Variants in CEACAM4 observed in about 807,000 individuals in gnomAD.
CEACAM4 encodes the protein CEA cell adhesion molecule 4.
A neutral mutation model predicts 28.7 loss-of-function variants in CEACAM4; 30 were observed. The observed-to-expected ratio is 1.05, with a 90% CI of 0.78 to 1.42. CEACAM4 has a LOEUF of 1.42. Ranked by LOEUF, CEACAM4 falls within the 40% of genes most tolerant of loss-of-function variation. The pLI is 0.00. For synonymous variants in CEACAM4, 143 were observed against 126.5 expected (o/e 1.13, Z -0.87); for missense variants, 330 against 308.2 (o/e 1.07, Z -0.53).
In CEACAM4 at chr19:41,625,143, C is replaced by T. The variant is rs546584105; in HGVS notation, c.424+458G>A. 1.2e-4 allele frequency among the ~76,000 whole-genome samples: 18 copies of T among 152,312 alleles called. No homozygotes were observed. The South Asian group carries it at 2.5e-3, about 21-fold the overall frequency. ...ATGAGAAGCTTCAGGAACCACAGCC[C>T]GCAGACATCTGGTAAATCCTTGCTC... On this transcript the variant is annotated intron_variant, in intron 2 of 6. Transcript: ENST00000221954.
intron 2 of CEACAM4, among the ~76,000 whole-genome samples, chr19:41,623,169 A>C (rs1222385009): frequency 6.6e-6 from 1 of 151,928 alleles, no homozygotes; most frequent in Non-Finnish European, 1.5e-5. Flanking sequence ...GGCACCCACC[A>C]CCATGCCTGC....
chr19:41,620,734 C>T lies in CEACAM4; in HGVS notation c.543-107G>A, dbSNP rs1555801023. The T allele has an allele frequency of 4.5e-6, 4 of 892,998 alleles. No homozygotes were observed. In the East Asian group the frequency reaches 1.1e-4, roughly 24 times the overall value. The allele number at this position is 892,998 out of a possible 1,614,324, so 55.3% of individuals were successfully genotyped here. A position where few individuals can be genotyped will look rare whatever the true frequency, so the allele number is the denominator to read the frequency against. On this transcript the variant is annotated intron_variant, in intron 3 of 6. Transcript: ENST00000221954. ...CCATTTTCAAGGACTGGAGTGAAGG[C>T]CTCCTGTCTCCATCAGTTTCGTGGT...
intron 2 of CEACAM4, among the ~76,000 whole-genome samples, chr19:41,623,763 T>C (rs1336531906): frequency 6.6e-6 from 1 of 152,090 alleles, no homozygotes; most frequent in Non-Finnish European, 1.5e-5. Flanking sequence ...CTAATAACTA[T>C]CTGAACTTGC....
At chr19:41,621,617 G>C (rs79017845) in intron 3 of CEACAM4, 34 bp downstream of exon 3, 9 of 1,244,944 alleles carry the variant, frequency 7.2e-6, no homozygotes, top group Admixed American at 6.9e-5. Flanking sequence ...GGTCAGCCTA[G>C]GGGTGGGAGG....
chr19:41,626,959 C>T lies in CEACAM4; in HGVS notation c.5G>A (p.Gly2Asp), dbSNP rs782019987. 5 of 1,603,580 alleles carry T rather than the reference C, an allele frequency of 3.1e-6. No homozygotes were observed. The highest frequency in any genetic ancestry group is 2.3e-5 in the East Asian group (1 of 44,108). MGPPSAAPRGGH... is the reference protein window; with the variant it reads MDPPSAAPRGGH... Reference sequence around the variant, plus strand: ...TCCACGGGGAGCGGCTGAGGGGGGGCCCATGGTCTCTGCTGCCTGCTTGTC... The same window carrying T: ...TCCACGGGGAGCGGCTGAGGGGGGGTCCATGGTCTCTGCTGCCTGCTTGTC... Residue 2 changes from glycine to aspartate, a missense_variant, in exon 1 of 7, where the codon GGC becomes GAC. Coordinates refer to ENST00000221954, the MANE Select transcript of CEACAM4 (RefSeq NM_001817.4).
At position 41,626,930 on chromosome 19, in the gene CEACAM4, G is replaced by A; in HGVS notation, c.34C>T (p.His12Tyr). 1.9e-6 allele frequency: 3 copies of A among 1,607,878 alleles called. No individual in the cohort carries two copies. Among genetic ancestry groups the A allele is most frequent in the South Asian group, 1.1e-5 (1 of 90,724 alleles). ...GPPSAAPRGG[H>Y]RPWQGLLITA... Reference sequence around the variant, plus strand: ...ATCAGGAGCCCCTGCCAGGGCCTGTGCCCTCCACGGGGAGCGGCTGAGGGG... The same window carrying A: ...ATCAGGAGCCCCTGCCAGGGCCTGTACCCTCCACGGGGAGCGGCTGAGGGG... Residue 12 changes from histidine to tyrosine, a missense_variant, in exon 1 of 7, where the codon CAC becomes TAC. Coordinates refer to ENST00000221954, the MANE Select transcript of CEACAM4 (RefSeq NM_001817.4).
Position 41,619,151 on chromosome 19 carries a change from C to A in CEACAM4, c.*179G>T. ...GTCCCGGCCCACCCAGAGCCCAGGGCAACCTGTCAGGGTCTCCAGATATTC... is the reference window on the plus strand; with the variant it reads ...GTCCCGGCCCACCCAGAGCCCAGGGAAACCTGTCAGGGTCTCCAGATATTC... On this transcript the variant is annotated 3_prime_UTR_variant, in exon 7 of 7. Transcript: ENST00000221954. 1 of 604,580 alleles carries A rather than the reference C, an allele frequency of 1.7e-6. No homozygotes were observed. The highest frequency in any genetic ancestry group is 2.1e-5 in the South Asian group (1 of 48,658). The allele number at this position is 604,580 out of a possible 1,614,324, so 37.5% of individuals were successfully genotyped here. A position where few individuals can be genotyped will look rare whatever the true frequency, so the allele number is the denominator to read the frequency against.
At chr19:41,619,516 T>A (rs148066216) in intron 6 of CEACAM4, 121 bp from the exon 7 acceptor site, 20,355 of 1,557,084 alleles carry the variant, frequency 0.013, 172 homozygotes, top group Non-Finnish European at 0.014. Flanking sequence ...GCTCAGGGGG[T>A]CCCTGTTCCC....
At position 41,625,833 on chromosome 19, in the gene CEACAM4, G is replaced by A; in HGVS notation, c.192C>T (p.Ala64=). 1 of 1,613,876 alleles carries A rather than the reference G, an allele frequency of 6.2e-7. No homozygotes were observed. Among genetic ancestry groups the A allele is most frequent in the East Asian group, 2.2e-5 (1 of 44,842 alleles). The change falls in exon 2 of 7, where the codon GCC becomes GCT. Residue 64 remains alanine (A), a synonymous_variant. Coordinates refer to ENST00000221954, the MANE Select transcript of CEACAM4 (RefSeq NM_001817.4). ...CCGTTTTCCCCTTGTGCCAATAATA[G>A]GCTTGAATAGTTTCTGAAATATTGC... ...LACNISETIQ[A]YYWHKGKTAE...
intron 6 of CEACAM4, 57 bp downstream of exon 6, chr19:41,619,613 G>A (rs2071128657): frequency 6.4e-7 from 1 of 1,569,754 alleles, no homozygotes; most frequent in East Asian, 2.3e-5. Context: ...GCTGGTGGGG[G>A]CAGATCCTGG....
downstream of CEACAM4, among the ~76,000 whole-genome samples, chr19:41,614,759 G>A (rs191274484): frequency 1.3e-5 from 2 of 152,114 alleles, no homozygotes; most frequent in African/African-American, 4.8e-5. Flanking sequence ...TGATTACCAC[G>A]CAAGGCTGAC....
In CEACAM4 at chr19:41,620,191, TG is replaced by T. The variant is rs782185213; in HGVS notation, c.627+19del. ...TGTTGGGACCCCAGTAGAAAAGGGC[TG>T]GGGAGGGAACAGGCTTACCGAGAAG... On this transcript the variant is annotated intron_variant, in intron 5 of 6. Transcript: ENST00000221954. The T allele has an allele frequency of 6.7e-7, 1 of 1,493,850 alleles. No homozygotes were observed. The highest frequency in any genetic ancestry group is 2.7e-5 in the Admixed American group (1 of 36,646). The allele number at this position is 1,493,850 out of a possible 1,614,324, so 92.5% of individuals were successfully genotyped here.
chr19:41,616,463 C>T (rs999600659), downstream of CEACAM4, among the ~76,000 whole-genome samples: 3 of 151,302 alleles, frequency 2.0e-5, no homozygotes, highest in Non-Finnish European at 4.4e-5. Context: ...AAAGCATTCT[C>T]ATATATACAT....
chr19:41,619,846 AC>A, intron 5 of CEACAM4, 135 bp from the exon 6 acceptor site: 1 of 774,296 alleles, frequency 1.3e-6, no homozygotes, highest in Non-Finnish European at 2.0e-6. Flanking sequence ...CTCAGGATTG[AC>A]CAGCTCTGCC....
At chr19:41,616,938 G>T (rs1275724246), downstream of CEACAM4, among the ~76,000 whole-genome samples, 1 of 152,224 alleles carries the variant, frequency 6.6e-6, no homozygotes, top group South Asian at 2.1e-4. Context: ...AAGCAGCCCT[G>T]CAGGGAGTGG....
intron 2 of CEACAM4, among the ~76,000 whole-genome samples, chr19:41,623,930 C>G (rs1377074599): frequency 6.6e-6 from 1 of 152,154 alleles, no homozygotes; most frequent in Non-Finnish European, 1.5e-5. Flanking sequence ...AGCCTGATCC[C>G]TCCCCTGAAA....
At chr19:41,619,738 G>C (rs1490955550) in intron 5 of CEACAM4, 27 bp from the exon 6 acceptor site, 2 of 1,543,662 alleles carry the variant, frequency 1.3e-6, no homozygotes, top group South Asian at 2.5e-5. Context: ...GGAGATGTCA[G>C]GGGACAGGGA....
At chr19:41,617,627 G>A (rs1260749435), downstream of CEACAM4, among the ~76,000 whole-genome samples, 1 of 152,168 alleles carries the variant, frequency 6.6e-6, no homozygotes, top group African/African-American at 2.4e-5. Context: ...GGGAGGAGGT[G>A]GAGATGTGGG....
At chr19:41,614,775 G>C (rs1555798618), downstream of CEACAM4, among the ~76,000 whole-genome samples, 1 of 152,186 alleles carries the variant, frequency 6.6e-6, no homozygotes, top group Non-Finnish European at 1.5e-5. Flanking sequence ...CTGACAGTGA[G>C]TGGTGGGTGT....
Sources: allele counts gnomAD v4.1 joint callset (sites outside exome capture counted in the v4.1 genomes callset), GRCh38; gene constraint gnomAD v4.1.1; transcripts MANE v1.5; gene names NCBI Gene and HGNC (gene_info 2026-07-23, HGNC 2026-07-21).